The following DLG2 variants were observed in gnomAD, a reference collection of about 807,000 sequenced individuals.
DLG2 encodes the protein disks large homolog 2.
A neutral mutation model predicts 132.5 loss-of-function variants in DLG2; 45 were observed. The observed-to-expected ratio is 0.34, with a 90% CI of 0.27 to 0.44. The LOEUF (loss-of-function observed/expected upper bound fraction) is 0.44. DLG2 is among the 20% of genes least tolerant of loss of function. The pLI is 1.00. For synonymous variants in DLG2, 424 were observed against 419.6 expected (o/e 1.01, Z -0.13); for missense variants, 1,045 against 1,196.9 (o/e 0.87, Z 1.87).
chr11:85,195,678 C>G (rs2081001315), intron 4 of DLG2, among the ~76,000 whole-genome samples: 1 of 151,928 alleles, frequency 6.6e-6, no homozygotes, highest in Non-Finnish European at 1.5e-5. Context: ...CGCCCACCAT[C>G]ACGCCCAGCT....
intron 6 of DLG2, among the ~76,000 whole-genome samples, chr11:84,618,827 G>A (rs2099609003): frequency 6.6e-6 from 1 of 151,848 alleles, no homozygotes; most frequent in African/African-American, 2.4e-5. Flanking sequence ...AGACTTACAA[G>A]GACTTTAGAT....
intron 3 of DLG2, among the ~76,000 whole-genome samples, chr11:85,537,115 T>C (rs578151497): frequency 1.2e-4 from 19 of 152,286 alleles, no homozygotes; most frequent in Admixed American, 9.8e-4. Flanking sequence ...TAAGGGATTG[T>C]AAATGCACCA....
chr11:85,364,797 T>G (rs1308360954), intron 3 of DLG2, among the ~76,000 whole-genome samples: 1 of 152,198 alleles, frequency 6.6e-6, no homozygotes, highest in East Asian at 1.9e-4. Context: ...AGATAGATTT[T>G]CAAAATAGCT....
At chr11:85,454,636 G>A (rs1388217401) in intron 3 of DLG2, among the ~76,000 whole-genome samples, 2 of 152,034 alleles carry the variant, frequency 1.3e-5, no homozygotes, top group Non-Finnish European at 2.9e-5. Context: ...TATTTCCTAG[G>A]TTTTCTTCTA....
At chr11:85,430,768 C>G (rs1225018841) in intron 3 of DLG2, among the ~76,000 whole-genome samples, 1 of 150,240 alleles carries the variant, frequency 6.7e-6, no homozygotes, top group Non-Finnish European at 1.5e-5. Context: ...GGGGACTGAA[C>G]TGTAAAGCAC....
At chr11:85,302,577 T>G (rs901088225) in intron 3 of DLG2, among the ~76,000 whole-genome samples, 28 of 150,912 alleles carry the variant, frequency 1.9e-4, no homozygotes, top group African/African-American at 6.8e-4. Context: ...TGAAATGGCC[T>G]GGTATAAGAA....
intron 17 of DLG2, among the ~76,000 whole-genome samples, chr11:83,825,124 T>TATATATAGAC (rs2052188035): frequency 1.1e-5 from 1 of 90,666 alleles, no homozygotes; most frequent in African/African-American, 4.4e-5. Context: ...TATATACACA[T>TATATATAGAC]ATATATATAC....
intron 6 of DLG2, among the ~76,000 whole-genome samples, chr11:85,015,347 T>G (rs1199838531): frequency 6.6e-6 from 1 of 151,924 alleles, no homozygotes; most frequent in Non-Finnish European, 1.5e-5. Flanking sequence ...CATTTTATTC[T>G]TTAATTATAA....
intron 7 of DLG2, among the ~76,000 whole-genome samples, chr11:84,350,046 T>C (rs979575095): frequency 7.3e-5 from 11 of 151,488 alleles, no homozygotes; most frequent in Non-Finnish European, 4.4e-5. Context: ...GGCGTGGTGG[T>C]GGGCGCCTGT....
chr11:85,456,902 A>C (rs951984698), intron 3 of DLG2, among the ~76,000 whole-genome samples: 6 of 152,112 alleles, frequency 3.9e-5, no homozygotes, highest in African/African-American at 1.4e-4. Context: ...TGTGGTGATG[A>C]GAAGAATGTT....
chr11:84,235,414 T>C (rs1187394602), intron 8 of DLG2, among the ~76,000 whole-genome samples: 1 of 152,176 alleles, frequency 6.6e-6, no homozygotes, highest in Non-Finnish European at 1.5e-5. Flanking sequence ...AACTGCATTT[T>C]AAAGATCTCT....
At chr11:85,249,196 G>T (rs1048241914) in intron 4 of DLG2, among the ~76,000 whole-genome samples, 3 of 151,860 alleles carry the variant, frequency 2.0e-5, no homozygotes, top group Non-Finnish European at 4.4e-5. Context: ...GGGATCATGT[G>T]TAACTTTTTC....
intron 6 of DLG2, among the ~76,000 whole-genome samples, chr11:84,844,333 C>G (rs2081201685): frequency 6.6e-6 from 1 of 151,316 alleles, no homozygotes; most frequent in South Asian, 2.1e-4. Flanking sequence ...AAGTGGCTAG[C>G]ACAATGCCTA....
intron 6 of DLG2, among the ~76,000 whole-genome samples, chr11:84,618,056 C>T (rs1157049462): frequency 6.6e-6 from 1 of 151,990 alleles, no homozygotes; most frequent in Admixed American, 6.6e-5. Flanking sequence ...GAAACTTAAA[C>T]GCTGAAGTAT....
chr11:85,387,397 C>T (rs2086432226), intron 3 of DLG2, among the ~76,000 whole-genome samples: 1 of 152,148 alleles, frequency 6.6e-6, no homozygotes, highest in Admixed American at 6.6e-5. Context: ...AAAGGGAGTT[C>T]TCAATTTTTC....
chr11:85,606,722 C>G (rs900295849), intron 2 of DLG2, among the ~76,000 whole-genome samples: 5 of 152,178 alleles, frequency 3.3e-5, no homozygotes, highest in Non-Finnish European at 7.3e-5. Flanking sequence ...TGAGCTATAA[C>G]ACTCACTGCG....
At chr11:83,944,254 G>T (rs2083304810) in intron 14 of DLG2, among the ~76,000 whole-genome samples, 1 of 152,156 alleles carries the variant, frequency 6.6e-6, no homozygotes, top group Non-Finnish European at 1.5e-5. Context: ...CTCTTTTAAA[G>T]TCTCAGAAAT....
chr11:83,752,855 A>G (rs1429183522), intron 18 of DLG2, among the ~76,000 whole-genome samples: 1 of 152,240 alleles, frequency 6.6e-6, no homozygotes, highest in Non-Finnish European at 1.5e-5. Flanking sequence ...TCCAGGAAAG[A>G]AATTACAGAT....
chr11:83,916,312 T>G (rs532292734), intron 15 of DLG2, among the ~76,000 whole-genome samples: 187 of 152,092 alleles, frequency 1.2e-3, no homozygotes, highest in African/African-American at 4.3e-3. Flanking sequence ...TTTAGGGTTT[T>G]TTTTTTGTTT....
Sources: allele counts gnomAD v4.1 joint callset (sites outside exome capture counted in the v4.1 genomes callset), GRCh38; gene constraint gnomAD v4.1.1; transcripts MANE v1.5; gene names NCBI Gene and HGNC (gene_info 2026-07-23, HGNC 2026-07-21).